PKLR: variants seen among roughly 807,000 people sequenced by gnomAD.
PKLR encodes pyruvate kinase L/R.
In PKLR, 38 loss-of-function variants were observed where a neutral mutation model predicts 53.6. The observed-to-expected ratio is 0.71, with a 90% CI of 0.55 to 0.93. PKLR has a LOEUF of 0.93. PKLR is among the 40% of genes least tolerant of loss of function. The pLI is 0.00. For missense variants in PKLR, 702 were observed against 787.3 expected, an observed-to-expected ratio of 0.89 and a Z score of 1.30; for synonymous variants, 328 against 316.2, an observed-to-expected ratio of 1.04 and a Z score of -0.39.
Position 155,295,286 on chromosome 1 carries a change from A to G in PKLR, c.524T>C (p.Val175Ala), listed in dbSNP as rs781236222. The G allele has an allele frequency of 1.2e-6, 2 of 1,614,040 alleles. No homozygotes were observed. Among genetic ancestry groups the G allele is most frequent in the South Asian group, 2.2e-5 (2 of 91,088 alleles). Reference protein sequence around the residue: ...GILQGGPESEVELVKGSQVLV... With the variant: ...GILQGGPESEAELVKGSQVLV... ...CACCTGGGAGCCCTTCACCAGCTCCACTTCCGACTCTGGACCCTAAGGAGG... is the reference window on the plus strand; with the variant it reads ...CACCTGGGAGCCCTTCACCAGCTCCGCTTCCGACTCTGGACCCTAAGGAGG... The change falls in exon 5 of 11, where the codon GTG becomes GCG. Residue 175 changes from valine (V) to alanine (A), a missense_variant. Transcript: ENST00000342741. The surrounding 1 kb of genome is among the most constrained non-coding windows in gnomAD (Gnocchi z 4.3).
At chr1:155,307,069 C>T in the PKLR span, among the ~76,000 whole-genome samples, 1 of 152,188 alleles carries the variant, frequency 6.6e-6, no homozygotes, top group African/African-American at 2.4e-5. Flanking sequence ...TGTGCGCCAC[C>T]ATGCTGGGCT....
At chr1:155,302,038 C>CTTTTTTCTTTTTCTTTTTTCTT (rs1323298578), upstream of PKLR, among the ~76,000 whole-genome samples, 144 of 151,662 alleles carry the variant, frequency 9.5e-4, no homozygotes, top group African/African-American at 3.4e-3. Context: ...CCCTTCCTTC[C>CTTTTTTCTTTTTCTTTTTTCTT]TTTTTTCTTT....
Position 155,290,414 on chromosome 1 carries a change from C to G in PKLR, c.*158G>C. The G allele has an allele frequency of 1.6e-6, 1 of 641,828 alleles. No individual in the cohort carries two copies. Among genetic ancestry groups the G allele is most frequent in the South Asian group, 1.7e-5 (1 of 57,728 alleles). 39.8% of individuals were successfully genotyped at this position (641,828 alleles called of 1,614,324 possible). The stretch of plus-strand genomic sequence containing the variant: ...GGGCAACCTCGAAGGGGCTAGATGA[C>G]AGTTATAGTCTCAGATAGGCCTCAG... On this transcript the variant is annotated 3_prime_UTR_variant, in exon 11 of 11. Coordinates refer to ENST00000342741, the MANE Select transcript of PKLR (RefSeq NM_000298.6).
chr1:155,290,940 G>T (rs1216769740), intron 10 of PKLR, among the ~76,000 whole-genome samples: 1 of 149,156 alleles, frequency 6.7e-6, no homozygotes, highest in Non-Finnish European at 1.5e-5. Context: ...AGTGAGCCGA[G>T]ATCACACCAC....
intron 1 of PKLR, 22 bp downstream of exon 1, chr1:155,301,274 G>A: frequency 6.2e-7 from 1 of 1,613,428 alleles, no homozygotes; most frequent in Non-Finnish European, 8.5e-7. Flanking sequence ...TATGTTCCAT[G>A]GCTTCTGTCT....
rs2148208729 is a variant in PKLR at position 155,295,795 on chromosome 1, G to A, written c.284-39C>T. On this transcript the variant is annotated intron_variant, in intron 2 of 10. Coordinates refer to ENST00000342741, the MANE Select transcript of PKLR (RefSeq NM_000298.6). The surrounding 1 kb of genome is among the most constrained non-coding windows in gnomAD (Gnocchi z 4.3). ...TTCACGTTCAGACAACGTTCCCCCA[G>A]AACATGAGAGGCAACCAAACCCAAC... is the stretch of plus-strand genomic sequence containing the variant. 6.4e-7 allele frequency: 1 copy of A among 1,571,476 alleles called. No individual in the cohort carries two copies.
Position 155,290,358 on chromosome 1 carries a change from T to C in PKLR, c.*214A>G. On this transcript the variant is annotated 3_prime_UTR_variant, in exon 11 of 11. Coordinates refer to ENST00000342741, the MANE Select transcript of PKLR (RefSeq NM_000298.6). The stretch of plus-strand genomic sequence containing the variant: ...CCAGTGCATAATTGGACACAGACTT[T>C]CAGGACCTGTGTGAAATGGAGATGG... 1.7e-6 allele frequency: 1 copy of C among 592,540 alleles called. No individual in the cohort carries two copies. The highest frequency in any genetic ancestry group is 3.0e-6 in the Non-Finnish European group (1 of 330,388). 36.7% of individuals were successfully genotyped at this position (592,540 alleles called of 1,614,324 possible). A position where few individuals can be genotyped will look rare whatever the true frequency, so the allele number is the denominator to read the frequency against.
chr1:155,302,124 C>G (rs2148221769), upstream of PKLR, among the ~76,000 whole-genome samples: 1 of 151,202 alleles, frequency 6.6e-6, no homozygotes, highest in Non-Finnish European at 1.5e-5. Flanking sequence ...GTGGCGCAAT[C>G]TCAGTTCATT....
rs779817999 is a variant in PKLR, at chr1:155,293,490, C to G, written c.1217G>C (p.Gly406Ala). The G allele has an allele frequency of 1.9e-6, 3 of 1,614,240 alleles. No homozygotes were observed. The highest frequency in any genetic ancestry group is 2.5e-6 in the Non-Finnish European group (3 of 1,180,042). Residue 406 changes from glycine to alanine, a missense_variant, in exon 8 of 11, where the codon GGG (glycine) becomes GCG (alanine). By Grantham distance (60) the Gly-to-Ala change is moderately conservative (BLOSUM62 0). This residue lies in a region of PKLR where 183 missense variants were observed against 250.2 expected (regional missense o/e 0.73). Transcript: ENST00000342741. This position sits in a 1 kb window ranked among gnomAD's most constrained non-coding sequence, Gnocchi z 4.2. Reference sequence around the variant, plus strand: ...AGGGAAGTTGCCCTTGGCAGTCTCCCCTGACAGCATGATGCAGTCAGCCCC... The same window carrying G: ...AGGGAAGTTGCCCTTGGCAGTCTCCGCTGACAGCATGATGCAGTCAGCCCC... The part of the protein sequence containing the change: ...LDGADCIMLS[G>A]ETAKGNFPVE...
At chr1:155,296,677 C>T (rs896136996) in intron 2 of PKLR, among the ~76,000 whole-genome samples, 14 of 152,124 alleles carry the variant, frequency 9.2e-5, no homozygotes, top group African/African-American at 2.6e-4. Context: ...CATCCCCATC[C>T]GCAGGTAAAC....
At chr1:155,294,895 G>T (rs373003808) in intron 5 of PKLR, 143 bp from the exon 6 acceptor site, 6 of 1,211,194 alleles carry the variant, frequency 5.0e-6, no homozygotes, top group Non-Finnish European at 5.9e-6. Flanking sequence ...GCTTCGCCCG[G>T]AAGAGGCACA....
At chr1:155,299,437 C>T (rs1323133212) in intron 2 of PKLR, among the ~76,000 whole-genome samples, 5 of 149,686 alleles carry the variant, frequency 3.3e-5, no homozygotes, top group Admixed American at 6.7e-5. Context: ...GATCTGCCAA[C>T]CTTGGCCTCC....
chr1:155,294,893 C>T (rs1052698498), intron 5 of PKLR, 141 bp from the exon 6 acceptor site: 23 of 1,215,872 alleles, frequency 1.9e-5, no homozygotes, highest in African/African-American at 1.1e-4. Context: ...GGGCTTCGCC[C>T]GGAAGAGGCA....
chr1:155,299,035 T>TTTCTTTCTTTC (rs1553231361), intron 2 of PKLR, among the ~76,000 whole-genome samples: 6 of 50,442 alleles, frequency 1.2e-4, no homozygotes, highest in African/African-American at 3.7e-4. Flanking sequence ...TCTTTCTTTC[T>TTTCTTTCTTTC]CTTTCTTTCT....
chr1:155,298,356 T>A (rs568658109), intron 2 of PKLR, among the ~76,000 whole-genome samples: 2 of 145,632 alleles, frequency 1.4e-5, no homozygotes, highest in East Asian at 4.1e-4. Context: ...GAGACGGAGT[T>A]TCGCTCTTGT....
chr1:155,297,324 C>T (rs996497351), intron 2 of PKLR, among the ~76,000 whole-genome samples: 20 of 152,148 alleles, frequency 1.3e-4, no homozygotes, highest in Non-Finnish European at 2.6e-4. Flanking sequence ...TGCTCTCCCC[C>T]CAACCCCTTC....
At chr1:155,307,353 G>A in the PKLR span, among the ~76,000 whole-genome samples, 5 of 152,192 alleles carry the variant, frequency 3.3e-5, no homozygotes, top group African/African-American at 7.2e-5. Flanking sequence ...TCAGAGGTGC[G>A]TGAACCAGAG....
rs1647428361 is a variant in PKLR, at chr1:155,294,467, G to C, written c.965+15C>G. The C allele has an allele frequency of 1.9e-6, 3 of 1,614,118 alleles. No individual in the cohort carries two copies. The African/African-American group carries it at 4.0e-5, about 22-fold the overall frequency. On this transcript the variant is annotated intron_variant, in intron 6 of 10. Coordinates refer to ENST00000342741, the MANE Select transcript of PKLR (RefSeq NM_000298.6). ...ATAGCGACAGGGCCGAAGGGGAACAGAGCCCAAGCCTCACCTCTTCACGCC... is the reference window on the plus strand; with the variant it reads ...ATAGCGACAGGGCCGAAGGGGAACACAGCCCAAGCCTCACCTCTTCACGCC...
chr1:155,290,872 C>T (rs1345040006), intron 10 of PKLR, among the ~76,000 whole-genome samples, 194 bp from the exon 11 acceptor site: 6 of 151,402 alleles, frequency 4.0e-5, no homozygotes. Flanking sequence ...GCCTGTAATC[C>T]CAGCTACTAG....
Sources: gnomAD v4.1 joint callset for allele counts (sites outside exome capture counted in the v4.1 genomes callset) on GRCh38, gnomAD v4.1.1 for gene constraint, gnomAD v4.1.1 regional missense constraint, Gnocchi (gnomAD v3.1) non-coding constraint, MANE v1.5 for transcripts, NCBI Gene and HGNC (gene_info 2026-07-23, HGNC 2026-07-21) for gene names.